Variants in HS3ST5 observed in about 807,000 individuals in gnomAD.
The protein encoded by HS3ST5 is heparan sulfate glucosamine 3-O-sulfotransferase 5.
In HS3ST5, 10 loss-of-function variants were observed where a neutral mutation model predicts 25.4. The ratio of observed to expected loss-of-function variants is 0.39; its 90% CI spans 0.24 to 0.67. HS3ST5 has a LOEUF of 0.67. Ranked by LOEUF, HS3ST5 falls within the 30% of genes least tolerant of loss-of-function variation. HS3ST5 has a pLI of 0.44. For synonymous variants in HS3ST5, 170 were observed against 162.4 expected, an observed-to-expected ratio of 1.05 and a Z score of -0.36; for missense variants, 324 against 420.7, an observed-to-expected ratio of 0.77 and a Z score of 2.01.
At chr6:114,110,010 T>C (rs1393906712) in intron 3 of HS3ST5, among the ~76,000 whole-genome samples, 2 of 152,162 alleles carry the variant, frequency 1.3e-5, no homozygotes, top group South Asian at 4.1e-4. Context: ...ACATGCCATG[T>C]CATTCTTCAA....
intron 1 of HS3ST5, among the ~76,000 whole-genome samples, chr6:114,299,330 A>G (rs765606065): frequency 2.6e-5 from 4 of 152,200 alleles, no homozygotes; most frequent in Non-Finnish European, 1.5e-5. Flanking sequence ...GATGTTATCA[A>G]TGACAATGGT....
At chr6:114,269,039 T>C (rs1301133398) in intron 1 of HS3ST5, among the ~76,000 whole-genome samples, 1 of 152,194 alleles carries the variant, frequency 6.6e-6, no homozygotes, top group Non-Finnish European at 1.5e-5. Flanking sequence ...CATTTTATGA[T>C]TCTAAAACAG....
At chr6:114,340,863 C>T (rs1314583290) in intron 1 of HS3ST5, 1 of 151,938 alleles carries the variant, frequency 6.6e-6, no homozygotes, top group African/African-American at 2.4e-5. Context: ...TATGTAGAAA[C>T]TACTAAGTAA....
intron 1 of HS3ST5, among the ~76,000 whole-genome samples, chr6:114,313,677 C>T (rs887029344): frequency 2.0e-5 from 3 of 152,206 alleles, no homozygotes; most frequent in South Asian, 2.1e-4. Context: ...TGCAAATATA[C>T]AGGAGAACTT....
chr6:114,141,858 T>TTGTGTGTGTG (rs59862071), intron 3 of HS3ST5, among the ~76,000 whole-genome samples: 1 of 141,266 alleles, frequency 7.1e-6, no homozygotes, highest in African/African-American at 2.6e-5. Context: ...AGATGATAGT[T>TTGTGTGTGTG]TGTGTGTGTG....
At chr6:114,133,648 T>A (rs1777456576) in intron 3 of HS3ST5, among the ~76,000 whole-genome samples, 1 of 152,220 alleles carries the variant, frequency 6.6e-6, no homozygotes, top group Non-Finnish European at 1.5e-5. Context: ...CCAGACATTG[T>A]TTTAAGCACC....
At chr6:114,085,934 G>GCCC (rs377436068) in intron 3 of HS3ST5, among the ~76,000 whole-genome samples, 1,336 of 98,756 alleles carry the variant, frequency 0.014, 26 homozygotes, top group African/African-American at 0.021. Context: ...TAAATTCATT[G>GCCC]CCCCCCCCCC....
intron 2 of HS3ST5, among the ~76,000 whole-genome samples, chr6:114,198,107 G>T (rs1323215408): frequency 6.6e-6 from 1 of 151,980 alleles, no homozygotes. Context: ...TGAACTTTTG[G>T]AATTGAAAAG....
chr6:114,239,469 G>A (rs765106019), intron 1 of HS3ST5, among the ~76,000 whole-genome samples: 6 of 152,164 alleles, frequency 3.9e-5, no homozygotes, highest in Non-Finnish European at 5.9e-5. Context: ...GGTTTCCTTG[G>A]GGAGGGAAAG....
chr6:114,218,074 C>T (rs1277662653), intron 2 of HS3ST5, among the ~76,000 whole-genome samples: 7 of 151,994 alleles, frequency 4.6e-5, no homozygotes, highest in Non-Finnish European at 1.5e-5. Context: ...CTCGGCTCAC[C>T]GCAACCTCCG....
intron 1 of HS3ST5, among the ~76,000 whole-genome samples, chr6:114,321,579 G>A (rs1022452043): frequency 1.3e-5 from 2 of 152,060 alleles, no homozygotes; most frequent in East Asian, 1.9e-4. Context: ...GTGCAAGTTC[G>A]ATAATGATAA....
At chr6:114,121,134 T>A (rs1198401853) in intron 3 of HS3ST5, among the ~76,000 whole-genome samples, 2 of 152,252 alleles carry the variant, frequency 1.3e-5, no homozygotes, top group Non-Finnish European at 2.9e-5. Flanking sequence ...TAAATCGGAA[T>A]CCAGTCACTT....
chr6:114,225,310 C>A (rs988794286), intron 2 of HS3ST5, among the ~76,000 whole-genome samples: 3 of 151,844 alleles, frequency 2.0e-5, no homozygotes, highest in African/African-American at 7.2e-5. Context: ...TCCCCATGTA[C>A]CTTCTAGTAG....
intron 3 of HS3ST5, among the ~76,000 whole-genome samples, chr6:114,067,691 C>T (rs1035735453): frequency 3.3e-5 from 5 of 152,158 alleles, no homozygotes; most frequent in African/African-American, 9.6e-5. Flanking sequence ...GGCCTGGCTC[C>T]TTACACTGCC....
rs1780196160 is a variant in HS3ST5 at position 114,185,901 on chromosome 6, A to G, written c.-144-17439T>C. Among the ~76,000 whole-genome samples, 4 of 152,114 alleles carry G rather than the reference A, an allele frequency of 2.6e-5. 1 individual carries two copies. In the South Asian group the frequency reaches 8.3e-4, roughly 32 times the overall value. On this transcript the variant is annotated intron_variant, in intron 2 of 4. Transcript: ENST00000312719. ...CTAAAGGCACACATTACTTTGCCAA[A>G]CTAATTTTTATTAGTAGAGACAGGG...
rs572136288 is a variant in HS3ST5 at position 114,317,335 on chromosome 6, C to T, written c.-339+24860G>A. ...GCCCTTTTCCTCCCCAAATGATCTC[C>T]GCTTCCTGCATTACTAACAAGGGTA... On this transcript the variant is annotated intron_variant, in intron 1 of 4. Coordinates refer to ENST00000312719, the MANE Select transcript of HS3ST5 (RefSeq NM_153612.4). Among the ~76,000 whole-genome samples, 7 of 152,226 alleles carry T rather than the reference C, an allele frequency of 4.6e-5. No homozygotes were observed. The South Asian group carries it at 6.2e-4, about 14-fold the overall frequency.
intron 1 of HS3ST5, among the ~76,000 whole-genome samples, chr6:114,254,153 G>T (rs546570418): frequency 1.3e-5 from 2 of 152,164 alleles, no homozygotes; most frequent in South Asian, 4.2e-4. Flanking sequence ...AGGATGAAGC[G>T]CACTGCAGTG....
At chr6:114,274,044 G>C (rs1252089081) in intron 1 of HS3ST5, among the ~76,000 whole-genome samples, 1 of 151,970 alleles carries the variant, frequency 6.6e-6, no homozygotes, top group African/African-American at 2.4e-5. Context: ...GGGGAGAACT[G>C]GTGGAGTAGT....
chr6:114,327,263 C>T (rs1467201307), intron 1 of HS3ST5, among the ~76,000 whole-genome samples: 7 of 152,114 alleles, frequency 4.6e-5, no homozygotes, highest in Non-Finnish European at 1.5e-5. Flanking sequence ...TGGCCATATC[C>T]TTTGTGGATT....
Sources: allele counts gnomAD v4.1 joint callset (sites outside exome capture counted in the v4.1 genomes callset), GRCh38; gene constraint gnomAD v4.1.1; transcripts MANE v1.5; gene names NCBI Gene and HGNC (gene_info 2026-07-23, HGNC 2026-07-21).